LARGE1: variants seen among roughly 807,000 people sequenced by gnomAD.
LARGE1 encodes the protein xylosyl- and glucuronyltransferase LARGE1.
LARGE1 carries 43 observed loss-of-function variants against 87.6 expected under a neutral mutation model. That is an observed-to-expected ratio of 0.49 (90% confidence interval 0.38 to 0.63). LARGE1 has a LOEUF of 0.63. Ranked by LOEUF, LARGE1 falls within the 30% of genes least tolerant of loss-of-function variation. The pLI is 0.00. For missense variants in LARGE1, 802 were observed against 1,000.2 expected (o/e 0.80, Z 2.67); for synonymous variants, 434 against 394.6 (o/e 1.10, Z -1.18).
At chr22:33,151,650 G>C in the LARGE1 span, among the ~76,000 whole-genome samples, 1 of 152,154 alleles carries the variant, frequency 6.6e-6, no homozygotes, top group Non-Finnish European at 1.5e-5. Flanking sequence ...GTTTTATTGT[G>C]AGCAGGAGCT....
chr22:33,527,298 G>A (rs972747627), intron 6 of LARGE1, among the ~76,000 whole-genome samples: 5 of 152,150 alleles, frequency 3.3e-5, no homozygotes, highest in African/African-American at 2.4e-5. Context: ...CCTATAGGTC[G>A]GATGAGCTAG....
Position 33,277,085 on chromosome 22 carries a change from G to A in LARGE1, c.2048C>T (p.Ala683Val). 1 of 1,614,206 alleles carries A rather than the reference G, an allele frequency of 6.2e-7. No homozygotes were observed. The change falls in exon 14 of 15, where the codon GCT becomes GTT. Residue 683 changes from alanine to valine, a missense_variant. This residue lies in a region of LARGE1 where 625 missense variants were observed against 841.9 expected (regional missense o/e 0.74). Transcript: ENST00000397394. Reference sequence around the variant, plus strand: ...CTGCACATCCAGCTCCATGATATGAGCCACTTTGTTCCAGCCAAAGCCTAC... The same window carrying A: ...CTGCACATCCAGCTCCATGATATGAACCACTTTGTTCCAGCCAAAGCCTAC... ...RFVGFGWNKV[A>V]HIMELDVQEY...
intron 1 of LARGE1, among the ~76,000 whole-genome samples, chr22:33,768,207 G>T (rs2084963078): frequency 6.6e-6 from 1 of 152,130 alleles, no homozygotes. Flanking sequence ...TACTCAGGAG[G>T]CTGAGGCAAG....
chr22:33,612,559 G>A (rs1446284262), intron 4 of LARGE1, among the ~76,000 whole-genome samples: 1 of 152,184 alleles, frequency 6.6e-6, no homozygotes, highest in Non-Finnish European at 1.5e-5. Context: ...AGTAAGAAAG[G>A]AACAAAGGTG....
chr22:33,880,504 A>G (rs2064644165), intron 1 of LARGE1, among the ~76,000 whole-genome samples: 1 of 152,190 alleles, frequency 6.6e-6, no homozygotes, highest in Non-Finnish European at 1.5e-5. Context: ...TCCGTGCACA[A>G]GTCATGTGCA....
At chr22:33,109,574 C>T in the LARGE1 span, among the ~76,000 whole-genome samples, 2 of 152,200 alleles carry the variant, frequency 1.3e-5, no homozygotes, top group Non-Finnish European at 2.9e-5. Flanking sequence ...TTATTGCTAC[C>T]TAAAGTTACC....
At chr22:33,909,728 C>T (rs1039048355) in intron 1 of LARGE1, among the ~76,000 whole-genome samples, 4 of 151,626 alleles carry the variant, frequency 2.6e-5, no homozygotes, top group Non-Finnish European at 4.4e-5. Flanking sequence ...TTAGTAGAGA[C>T]GGGGTTTCAC....
chr22:33,709,526 G>A (rs898170403), intron 2 of LARGE1, among the ~76,000 whole-genome samples: 10 of 152,104 alleles, frequency 6.6e-5, no homozygotes, highest in African/African-American at 2.4e-4. Flanking sequence ...TCCTTGGTGA[G>A]GCAGTAGCGC....
In LARGE1 at chr22:33,565,035, CAG is replaced by C; in HGVS notation, c.616-18_616-17del. On this transcript the variant is annotated splice_polypyrimidine_tract_variant and intron_variant, in intron 5 of 14. Coordinates refer to ENST00000397394, the MANE Select transcript of LARGE1 (RefSeq NM_133642.5). ...AAACTTCAGACTAGACAGAACAAGG[CAG>C]AGAGAGAGTTGGAGAAAGGGAAAAA... The C allele has an allele frequency of 1.9e-6, 3 of 1,612,774 alleles. No homozygotes were observed. The highest frequency in any genetic ancestry group is 2.5e-6 in the Non-Finnish European group (3 of 1,178,892).
At chr22:33,490,923 T>C (rs1278781087) in intron 6 of LARGE1, among the ~76,000 whole-genome samples, 1 of 152,196 alleles carries the variant, frequency 6.6e-6, no homozygotes, top group Non-Finnish European at 1.5e-5. Flanking sequence ...TCTTCTCTCT[T>C]ACTCCTGTTT....
chr22:33,235,946 G>A (rs1926229194), intron 11 of LARGE1, among the ~76,000 whole-genome samples: 1 of 152,102 alleles, frequency 6.6e-6, no homozygotes, highest in Non-Finnish European at 1.5e-5. Flanking sequence ...ATTAGAGTGG[G>A]GCCTAAATCC....
chr22:33,289,493 T>C lies in LARGE1; in HGVS notation c.1731-6145A>G, dbSNP rs1020345156. Among the ~76,000 whole-genome samples the C allele has an allele frequency of 3.3e-5, 5 of 152,172 alleles. No individual in the cohort carries two copies. In the East Asian group the frequency reaches 9.7e-4, roughly 29 times the overall value. On this transcript the variant is annotated intron_variant, in intron 12 of 14. Transcript: ENST00000397394. ...CTCAGGGCTCTAGAGCCCAAAGCAG[T>C]GCCTGACTTAGAATTAACTCATTAA... is the stretch of plus-strand genomic sequence containing the variant.
rs2145711063 is a variant in LARGE1 at position 33,249,318 on chromosome 22, T to A, written c.1730+54911A>T. ...ATGATGTAGAGCAACTTTTTATATG[T>A]TTATTTACCATCTGCATATCTTTGG... On this transcript the variant is annotated intron_variant, in intron 11 of 11. Coordinates refer to the LARGE1 transcript ENST00000608642. Among the ~76,000 whole-genome samples, 3 of 152,336 alleles carry A rather than the reference T, an allele frequency of 2.0e-5. No individual in the cohort carries two copies. The South Asian group carries it at 6.2e-4, about 32-fold the overall frequency.
chr22:33,729,648 T>A (rs983534842), intron 2 of LARGE1, among the ~76,000 whole-genome samples: 6 of 152,162 alleles, frequency 3.9e-5, no homozygotes, highest in Non-Finnish European at 8.8e-5. Context: ...TGGGTGCCCT[T>A]ATTTAAGGGC....
At chr22:33,156,998 C>A in the LARGE1 span, among the ~76,000 whole-genome samples, 1 of 152,202 alleles carries the variant, frequency 6.6e-6, no homozygotes, top group Non-Finnish European at 1.5e-5. Flanking sequence ...TGAGACACGC[C>A]TTTCACCTTC....
chr22:33,176,406 A>G (rs1047700973), intron 11 of LARGE1, among the ~76,000 whole-genome samples: 2 of 152,136 alleles, frequency 1.3e-5, no homozygotes, highest in Non-Finnish European at 2.9e-5. Context: ...CTCTATCCAT[A>G]TGACAAAGGG....
intron 2 of LARGE1, among the ~76,000 whole-genome samples, chr22:33,679,332 T>G (rs1249359730): frequency 2.6e-5 from 4 of 152,182 alleles, no homozygotes; most frequent in Non-Finnish European, 5.9e-5. Context: ...CACCTCAGAA[T>G]GTGACCTTAT....
rs139158541 is a variant in LARGE1 at position 33,411,788 on chromosome 22, T to C, written c.892+20373A>G. Reference sequence around the variant, plus strand: ...AACGAATTATAGCACCTCCATCAAATGGCAAAACTATGCAGTTCTTAACAA... The same window carrying C: ...AACGAATTATAGCACCTCCATCAAACGGCAAAACTATGCAGTTCTTAACAA... On this transcript the variant is annotated intron_variant, in intron 7 of 14. Transcript: ENST00000397394. 3.1e-4 allele frequency among the ~76,000 whole-genome samples: 47 copies of C among 152,318 alleles called. 2 individuals carry two copies. The East Asian group carries it at 8.9e-3, about 29-fold the overall frequency.
At chr22:33,306,643 C>A (rs1218944895) in intron 11 of LARGE1, among the ~76,000 whole-genome samples, 1 of 152,028 alleles carries the variant, frequency 6.6e-6, no homozygotes, top group Non-Finnish European at 1.5e-5. Context: ...GAGGCCAAGG[C>A]GGGCAGATCA....
Sources: gnomAD v4.1 joint callset for allele counts (sites outside exome capture counted in the v4.1 genomes callset) on GRCh38, gnomAD v4.1.1 for gene constraint, gnomAD v4.1.1 regional missense constraint, MANE v1.5 for transcripts, NCBI Gene and HGNC (gene_info 2026-07-23, HGNC 2026-07-21) for gene names.